MAPK10: variants seen among roughly 807,000 people sequenced by gnomAD.
The protein encoded by MAPK10 is JNK3 alpha protein kinase.
In MAPK10, 25 loss-of-function variants were observed where a neutral mutation model predicts 59.3. The observed-to-expected ratio is 0.42, with a 90% CI of 0.31 to 0.59. The LOEUF (loss-of-function observed/expected upper bound fraction) is 0.59. Ranked by LOEUF, MAPK10 falls within the 20% of genes least tolerant of loss-of-function variation. The pLI is 0.15. For missense variants in MAPK10, 351 were observed against 568.9 expected (o/e 0.62, Z 3.90); for synonymous variants, 190 against 200.5 (o/e 0.95, Z 0.44).
chr4:86,196,897 C>G (rs1239257035), intron 2 of MAPK10, among the ~76,000 whole-genome samples: 1 of 152,142 alleles, frequency 6.6e-6, no homozygotes, highest in Non-Finnish European at 1.5e-5. Context: ...TCTGAGGCCT[C>G]TGATCTGTTC....
chr4:86,414,981 TAAAAA>T (rs1036597552), intron 1 of MAPK10, among the ~76,000 whole-genome samples: 3 of 151,604 alleles, frequency 2.0e-5, no homozygotes, highest in Non-Finnish European at 4.4e-5. Context: ...CTACAACAAA[TAAAAA>T]AATTAGCCAG....
chr4:86,487,922 TGCACAATA>T (rs1264340163), intron 1 of MAPK10, among the ~76,000 whole-genome samples: 3 of 151,994 alleles, frequency 2.0e-5, no homozygotes, highest in African/African-American at 7.3e-5. Context: ...TAAGGTAGAT[TGCACAATA>T]GTCTGAGAGA....
At chr4:86,181,121 T>G (rs2076845436) in intron 3 of MAPK10, among the ~76,000 whole-genome samples, 1 of 152,118 alleles carries the variant, frequency 6.6e-6, no homozygotes, top group Non-Finnish European at 1.5e-5. Context: ...ATGATTGTTA[T>G]GTGCCAATTT....
At chr4:86,287,286 T>C (rs1307983962) in intron 2 of MAPK10, among the ~76,000 whole-genome samples, 2 of 152,306 alleles carry the variant, frequency 1.3e-5, no homozygotes, top group Middle Eastern at 3.4e-3. Context: ...TGTAATTCTA[T>C]TGGAGGTGAT....
At chr4:86,261,225 A>G (rs2093968039) in intron 2 of MAPK10, among the ~76,000 whole-genome samples, 1 of 152,234 alleles carries the variant, frequency 6.6e-6, no homozygotes, top group South Asian at 2.1e-4. Flanking sequence ...AATAGTTTCA[A>G]TAATAATTCA....
chr4:86,040,358 T>C (rs937524636), intron 11 of MAPK10, among the ~76,000 whole-genome samples: 1 of 152,020 alleles, frequency 6.6e-6, no homozygotes, highest in Non-Finnish European at 1.5e-5. Flanking sequence ...CCGAATATAA[T>C]GAATGAATGA....
Position 86,089,314 on chromosome 4 carries a change from C to A in MAPK10, c.802+9210G>T, listed in dbSNP as rs758104885. 4 of 1,382,960 alleles carry A rather than the reference C, an allele frequency of 2.9e-6. No homozygotes were observed. The East Asian group carries it at 9.2e-5, about 32-fold the overall frequency. The allele number at this position is 1,382,960 out of a possible 1,614,324, so 85.7% of individuals were successfully genotyped here. A position where few individuals can be genotyped will look rare whatever the true frequency, so the allele number is the denominator to read the frequency against. ...AATGAAATGAAGATAAACAAGAACACAGGAATAGAACAACAAATAAATGAA... is the reference window on the plus strand; with the variant it reads ...AATGAAATGAAGATAAACAAGAACAAAGGAATAGAACAACAAATAAATGAA... On this transcript the variant is annotated intron_variant, in intron 9 of 13. Coordinates refer to ENST00000641462, the MANE Select transcript of MAPK10 (RefSeq NM_138982.4).
At chr4:86,456,040 A>T (rs937863950), upstream of MAPK10, among the ~76,000 whole-genome samples, 2 of 152,182 alleles carry the variant, frequency 1.3e-5, no homozygotes, top group Non-Finnish European at 2.9e-5. Flanking sequence ...AAATTAAATA[A>T]CCTGCTCCTG....
chr4:86,064,213 C>T, intron 11 of MAPK10, 53 bp downstream of exon 11: 2 of 1,605,590 alleles, frequency 1.2e-6, no homozygotes, highest in East Asian at 2.2e-5. Context: ...TCAGTTTTTG[C>T]TATGAGCTAT....
intron 2 of MAPK10, among the ~76,000 whole-genome samples, chr4:86,302,664 AC>A (rs1289577161): frequency 1.3e-5 from 2 of 152,220 alleles, no homozygotes; most frequent in East Asian, 3.9e-4. Context: ...TCAGAAAAAA[AC>A]ATCCAAATCT....
At chr4:86,337,147 C>A (rs1413376036) in intron 2 of MAPK10, among the ~76,000 whole-genome samples, 1 of 152,066 alleles carries the variant, frequency 6.6e-6, no homozygotes, top group Non-Finnish European at 1.5e-5. Context: ...CAGGACCTAG[C>A]ACATAGTAGA....
At chr4:86,474,578 T>C (rs939692494) in intron 1 of MAPK10, among the ~76,000 whole-genome samples, 9 of 152,220 alleles carry the variant, frequency 5.9e-5, no homozygotes, top group Non-Finnish European at 1.3e-4. Flanking sequence ...AACATTATTC[T>C]ACCAGTCTCT....
chr4:86,174,979 C>T lies in MAPK10; in HGVS notation c.67-15512G>A, dbSNP rs996557480. On this transcript the variant is annotated intron_variant, in intron 3 of 13. Coordinates refer to ENST00000641462, the MANE Select transcript of MAPK10 (RefSeq NM_138982.4). Reference sequence around the variant, plus strand: ...CTCATTATCACAATGATCTAGACTACTAAACTAATCACACTGAATTTTACA... The same window carrying T: ...CTCATTATCACAATGATCTAGACTATTAAACTAATCACACTGAATTTTACA... Among the ~76,000 whole-genome samples the T allele has an allele frequency of 2.0e-5, 3 of 151,998 alleles. No individual in the cohort carries two copies. The South Asian group carries it at 6.2e-4, about 32-fold the overall frequency.
intron 1 of MAPK10, among the ~76,000 whole-genome samples, chr4:86,382,324 A>T (rs1448596240): frequency 6.6e-6 from 1 of 152,276 alleles, no homozygotes; most frequent in Non-Finnish European, 1.5e-5. Flanking sequence ...CTCAGTCTTC[A>T]GACCTCAGGA....
At chr4:86,202,262 A>C (rs1186679717) in intron 2 of MAPK10, among the ~76,000 whole-genome samples, 1 of 151,922 alleles carries the variant, frequency 6.6e-6, no homozygotes, top group Non-Finnish European at 1.5e-5. Flanking sequence ...AGCATACATT[A>C]AACAGGGAAG....
At chr4:86,501,280 G>A (rs1755304792) in intron 1 of MAPK10, among the ~76,000 whole-genome samples, 1 of 151,910 alleles carries the variant, frequency 6.6e-6, no homozygotes, top group South Asian at 2.1e-4. Context: ...TTCAGGTGCA[G>A]GCTATTTTAT....
At chr4:86,134,745 G>C (rs1326572116) in intron 4 of MAPK10, among the ~76,000 whole-genome samples, 4 of 152,240 alleles carry the variant, frequency 2.6e-5, no homozygotes, top group Non-Finnish European at 4.4e-5. Context: ...ACAGAAGACA[G>C]TGATTTCTGC....
chr4:86,550,570 A>G (rs1326553693), intron 1 of MAPK10, among the ~76,000 whole-genome samples: 1 of 151,884 alleles, frequency 6.6e-6, no homozygotes, highest in Non-Finnish European at 1.5e-5. Flanking sequence ...GTGGTGGTGC[A>G]TACCTGAAAT....
At chr4:86,253,311 T>C (rs1051827452) in intron 2 of MAPK10, among the ~76,000 whole-genome samples, 16 of 78,832 alleles carry the variant, frequency 2.0e-4, no homozygotes, top group Admixed American at 3.7e-4. Flanking sequence ...GCTGTGGGTT[T>C]GTCATAGATA....
Sources: allele counts gnomAD v4.1 joint callset (sites outside exome capture counted in the v4.1 genomes callset), GRCh38; gene constraint gnomAD v4.1.1; transcripts MANE v1.5; gene names NCBI Gene and HGNC (gene_info 2026-07-23, HGNC 2026-07-21).